ACOXL: variants seen among roughly 807,000 people sequenced by gnomAD.
The protein encoded by ACOXL is acyl-CoA oxidase like.
In ACOXL, 70 loss-of-function variants were observed where a neutral mutation model predicts 71.9. The observed-to-expected ratio is 0.97, with a 90% CI of 0.80 to 1.19. ACOXL has a LOEUF of 1.19. ACOXL is among the 50% of genes most tolerant of loss of function. ACOXL has a pLI of 0.00. For synonymous variants in ACOXL, 253 were observed against 281.6 expected (o/e 0.90, Z 1.02); for missense variants, 703 against 736.3 (o/e 0.95, Z 0.52).
chr2:110,893,449 A>G (rs937115563), intron 10 of ACOXL, among the ~76,000 whole-genome samples: 2 of 152,192 alleles, frequency 1.3e-5, no homozygotes, highest in African/African-American at 2.4e-5. Context: ...GAAAGGAAAA[A>G]TACTCAGCTT....
chr2:110,985,165 T>C (rs1047481858), intron 12 of ACOXL, among the ~76,000 whole-genome samples: 7 of 28,638 alleles, frequency 2.4e-4, no homozygotes, highest in African/African-American at 4.9e-4. Flanking sequence ...TGGAACTGGA[T>C]TGCTATTATC....
At chr2:110,946,934 A>G (rs1194580920) in intron 12 of ACOXL, among the ~76,000 whole-genome samples, 1 of 152,184 alleles carries the variant, frequency 6.6e-6, no homozygotes, top group Admixed American at 6.5e-5. Flanking sequence ...TGAGTCAAGG[A>G]GAGGCTGGAA....
chr2:110,932,252 G>A (rs1447316778), intron 11 of ACOXL, among the ~76,000 whole-genome samples: 1 of 152,284 alleles, frequency 6.6e-6, no homozygotes, highest in East Asian at 1.9e-4. Flanking sequence ...TTGCCTTGGG[G>A]TGGGAGTAAA....
chr2:110,977,724 CA>C (rs1196894533), intron 12 of ACOXL, among the ~76,000 whole-genome samples: 3 of 152,136 alleles, frequency 2.0e-5, no homozygotes, highest in Non-Finnish European at 1.5e-5. Flanking sequence ...CCTTCTGGAT[CA>C]GGGGCCTTTG....
chr2:111,009,891 G>T (rs548903194), intron 14 of ACOXL, among the ~76,000 whole-genome samples: 2 of 152,246 alleles, frequency 1.3e-5, no homozygotes, highest in South Asian at 4.1e-4. Flanking sequence ...ACCAAAAGAG[G>T]CTAAAGGCAA....
intron 16 of ACOXL, among the ~76,000 whole-genome samples, chr2:111,081,988 C>T (rs945029346): frequency 6.6e-6 from 1 of 152,086 alleles, no homozygotes; most frequent in Non-Finnish European, 1.5e-5. Flanking sequence ...AGAAACTGGA[C>T]CCCTTGCTTA....
chr2:111,022,977 A>G (rs1233790934), intron 14 of ACOXL, among the ~76,000 whole-genome samples: 1 of 152,182 alleles, frequency 6.6e-6, no homozygotes, highest in African/African-American at 2.4e-5. Flanking sequence ...AAGAGCAGAA[A>G]GTGGGGAAGC....
At chr2:111,029,998 GT>G (rs1237993075) in intron 14 of ACOXL, among the ~76,000 whole-genome samples, 1 of 151,728 alleles carries the variant, frequency 6.6e-6, no homozygotes, top group Non-Finnish European at 1.5e-5. Context: ...TCTGTCCCTG[GT>G]TTTCTTTTGA....
intron 15 of ACOXL, among the ~76,000 whole-genome samples, chr2:111,041,197 C>T (rs964464065): frequency 3.9e-5 from 6 of 152,054 alleles, no homozygotes; most frequent in Non-Finnish European, 8.8e-5. Flanking sequence ...ATGCAGATGC[C>T]GAGACAGGCG....
intron 12 of ACOXL, among the ~76,000 whole-genome samples, chr2:110,939,462 C>T (rs1226737049): frequency 6.6e-6 from 1 of 152,186 alleles, no homozygotes; most frequent in African/African-American, 2.4e-5. Context: ...GATATTACTT[C>T]AACTCTTTAC....
chr2:110,929,977 T>G (rs1323074626), intron 11 of ACOXL, among the ~76,000 whole-genome samples: 1 of 152,180 alleles, frequency 6.6e-6, no homozygotes, highest in East Asian at 1.9e-4. Flanking sequence ...ATGGAGAACC[T>G]TTGCTAGGGT....
chr2:110,755,570 A>G (rs1679562785), intron 1 of ACOXL, among the ~76,000 whole-genome samples: 1 of 152,206 alleles, frequency 6.6e-6, no homozygotes, highest in African/African-American at 2.4e-5. Flanking sequence ...TTGCTCGAAC[A>G]GTGTTAGCAA....
At chr2:111,012,898 C>G (rs778138162) in intron 14 of ACOXL, among the ~76,000 whole-genome samples, 3 of 151,874 alleles carry the variant, frequency 2.0e-5, no homozygotes, top group Non-Finnish European at 4.4e-5. Flanking sequence ...CCTTAAGAAG[C>G]TAGAACAAGA....
intron 14 of ACOXL, among the ~76,000 whole-genome samples, chr2:111,013,138 A>G (rs1046491116): frequency 6.6e-6 from 1 of 152,240 alleles, no homozygotes; most frequent in Non-Finnish European, 1.5e-5. Context: ...ACATTATACA[A>G]TATGAGAATA....
intron 1 of ACOXL, among the ~76,000 whole-genome samples, chr2:110,744,534 G>A (rs1329249099): frequency 6.6e-6 from 1 of 152,164 alleles, no homozygotes; most frequent in Non-Finnish European, 1.5e-5. Flanking sequence ...TATCAGTGAG[G>A]TAAGCACTTG....
At chr2:111,051,186 T>A (rs1370441283) in intron 16 of ACOXL, among the ~76,000 whole-genome samples, 1 of 151,976 alleles carries the variant, frequency 6.6e-6, no homozygotes, top group Admixed American at 6.6e-5. Flanking sequence ...TCATATATAC[T>A]GAAACTATTT....
chr2:111,086,748 A>G (rs2068227799), intron 16 of ACOXL, among the ~76,000 whole-genome samples: 1 of 152,194 alleles, frequency 6.6e-6, no homozygotes, highest in Admixed American at 6.5e-5. Context: ...AAACCAGCAC[A>G]AGACAAGGAT....
intron 9 of ACOXL, among the ~76,000 whole-genome samples, chr2:110,831,724 G>A (rs1297776910): frequency 6.6e-6 from 1 of 152,152 alleles, no homozygotes; most frequent in Non-Finnish European, 1.5e-5. Context: ...CTGGCAGGAA[G>A]ATCTACAAGT....
chr2:110,976,132 A>C (rs2062433426), intron 12 of ACOXL, among the ~76,000 whole-genome samples: 2 of 152,244 alleles, frequency 1.3e-5, no homozygotes, highest in South Asian at 4.1e-4. Context: ...GCAAGGACAA[A>C]GAAAGGCCTC....
Sources: allele counts gnomAD v4.1 joint callset (sites outside exome capture counted in the v4.1 genomes callset), GRCh38; gene constraint gnomAD v4.1.1; transcripts MANE v1.5; gene names NCBI Gene and HGNC (gene_info 2026-07-23, HGNC 2026-07-21).